RBFOX1: variants seen among roughly 807,000 people sequenced by gnomAD.
RBFOX1 encodes the protein RNA binding fox-1 homolog 1.
A neutral mutation model predicts 57.7 loss-of-function variants in RBFOX1; 8 were observed. That is an observed-to-expected ratio of 0.14 (90% CI 0.08 to 0.25). The LOEUF (loss-of-function observed/expected upper bound fraction) is 0.25, where lower values mean the gene tolerates loss of function less well. RBFOX1 is among the 10% of genes least tolerant of loss of function. RBFOX1 has a pLI of 1.00. For synonymous variants in RBFOX1, 326 were observed against 222.4 expected, an observed-to-expected ratio of 1.47 and a Z score of -4.15; for missense variants, 611 against 548.5, an observed-to-expected ratio of 1.11 and a Z score of -1.14.
At chr16:6,263,857 T>C (rs991984726) in intron 1 of RBFOX1, among the ~76,000 whole-genome samples, 5 of 152,186 alleles carry the variant, frequency 3.3e-5, no homozygotes, top group Non-Finnish European at 5.9e-5. Context: ...AAGGAGAAAG[T>C]TGGAACCAAA....
chr16:6,669,061 G>A (rs942811737), intron 3 of RBFOX1, among the ~76,000 whole-genome samples: 3 of 152,176 alleles, frequency 2.0e-5, no homozygotes, highest in Non-Finnish European at 4.4e-5. Context: ...ACTTTAGATA[G>A]AAAGCATGCC....
chr16:5,839,290 C>T (rs2056552632), intron 3 of RBFOX1, among the ~76,000 whole-genome samples: 1 of 152,172 alleles, frequency 6.6e-6, no homozygotes, highest in Non-Finnish European at 1.5e-5. Context: ...CACAGCAAAT[C>T]AGAACCAGAA....
intron 4 of RBFOX1, among the ~76,000 whole-genome samples, chr16:7,147,850 G>T (rs2075332989): frequency 6.6e-6 from 1 of 152,126 alleles, no homozygotes; most frequent in East Asian, 1.9e-4. Flanking sequence ...TGGGATTGCT[G>T]GGTTGAATGG....
chr16:5,883,749 C>T (rs934543565), intron 4 of RBFOX1, among the ~76,000 whole-genome samples: 1 of 152,182 alleles, frequency 6.6e-6, no homozygotes, highest in South Asian at 2.1e-4. Flanking sequence ...AAAAAAATCA[C>T]TCTGATTAGC....
intron 1 of RBFOX1, among the ~76,000 whole-genome samples, chr16:6,263,508 C>T (rs1374049804): frequency 2.0e-5 from 3 of 152,010 alleles, no homozygotes; most frequent in Non-Finnish European, 4.4e-5. Flanking sequence ...ATTTATGAAA[C>T]CATTTCTCTG....
At chr16:5,944,967 A>AG (rs2059368402) in intron 4 of RBFOX1, among the ~76,000 whole-genome samples, 2 of 122,488 alleles carry the variant, frequency 1.6e-5, no homozygotes, top group Admixed American at 8.9e-5. Flanking sequence ...TCTGTCATAA[A>AG]AAAAAAAAAA....
At chr16:6,986,227 G>T (rs1204290969) in intron 3 of RBFOX1, among the ~76,000 whole-genome samples, 4 of 117,464 alleles carry the variant, frequency 3.4e-5, no homozygotes, top group East Asian at 3.1e-4. Context: ...CTGAGACAGA[G>T]TCTTGGTCTG....
intron 4 of RBFOX1, among the ~76,000 whole-genome samples, chr16:7,233,495 A>G (rs1448662125): frequency 6.6e-6 from 1 of 152,216 alleles, no homozygotes; most frequent in Non-Finnish European, 1.5e-5. Context: ...GCCGTCGATC[A>G]GCACTTGTTA....
intron 1 of RBFOX1, among the ~76,000 whole-genome samples, chr16:5,280,330 G>A (rs934842974): frequency 6.6e-6 from 1 of 152,100 alleles, no homozygotes; most frequent in African/African-American, 2.4e-5. Context: ...CATTAGATTC[G>A]GTTTAGTAGT....
chr16:7,088,746 T>A (rs561703465), intron 4 of RBFOX1, among the ~76,000 whole-genome samples: 1 of 152,344 alleles, frequency 6.6e-6, no homozygotes, highest in East Asian at 1.9e-4. Context: ...GAATTTCTTA[T>A]GCCAGTAACC....
At chr16:6,920,228 T>C (rs938920947) in intron 3 of RBFOX1, among the ~76,000 whole-genome samples, 1 of 147,606 alleles carries the variant, frequency 6.8e-6, no homozygotes, top group Non-Finnish European at 1.5e-5. Flanking sequence ...CAAATTGTGC[T>C]GCTATAAACA....
At chr16:5,490,974 AT>A (rs112127358) in intron 2 of RBFOX1, among the ~76,000 whole-genome samples, 4,397 of 152,116 alleles carry the variant, frequency 0.029, 214 homozygotes, top group African/African-American at 0.1. Flanking sequence ...TTATTTATAT[AT>A]TTTTTTCCAT....
chr16:7,300,142 T>A (rs1342556726), intron 4 of RBFOX1, among the ~76,000 whole-genome samples: 14 of 152,206 alleles, frequency 9.2e-5, no homozygotes, highest in Non-Finnish European at 1.8e-4. Flanking sequence ...TCTTGCCTGC[T>A]ATGCTTCCCA....
At chr16:7,032,452 C>G (rs1440527850) in intron 3 of RBFOX1, among the ~76,000 whole-genome samples, 2 of 151,476 alleles carry the variant, frequency 1.3e-5, no homozygotes, top group African/African-American at 2.4e-5. Context: ...AAAAAACAAA[C>G]AAATAAATAA....
intron 11 of RBFOX1, among the ~76,000 whole-genome samples, chr16:7,639,892 A>G (rs534032196): frequency 2.0e-5 from 3 of 152,240 alleles, no homozygotes; most frequent in South Asian, 4.2e-4. Context: ...TTTATGAACA[A>G]TAGTTGCCCA....
intron 1 of RBFOX1, among the ~76,000 whole-genome samples, chr16:6,229,213 C>G (rs2097439778): frequency 6.6e-6 from 1 of 152,052 alleles, no homozygotes; most frequent in South Asian, 2.1e-4. Flanking sequence ...GTAAAGCTCA[C>G]AGGATTGCTT....
At chr16:7,130,921 T>A (rs1370255758) in intron 4 of RBFOX1, among the ~76,000 whole-genome samples, 1 of 152,198 alleles carries the variant, frequency 6.6e-6, no homozygotes, top group Non-Finnish European at 1.5e-5. Flanking sequence ...GCCTTCAGTT[T>A]TATCATCAGT....
At chr16:6,270,050 C>T (rs1272244809) in intron 1 of RBFOX1, among the ~76,000 whole-genome samples, 3 of 151,818 alleles carry the variant, frequency 2.0e-5, no homozygotes, top group Non-Finnish European at 4.4e-5. Flanking sequence ...TATTGCACTA[C>T]CTAGATAACT....
chr16:6,724,930 G>C (rs993915751), intron 3 of RBFOX1, among the ~76,000 whole-genome samples: 6 of 151,524 alleles, frequency 4.0e-5, no homozygotes, highest in African/African-American at 1.5e-4. Flanking sequence ...TTTGTAAACT[G>C]TCATGGCAGT....
Sources: gnomAD v4.1 joint callset for allele counts (sites outside exome capture counted in the v4.1 genomes callset) on GRCh38, gnomAD v4.1.1 for gene constraint, MANE v1.5 for transcripts, NCBI Gene and HGNC (gene_info 2026-07-23, HGNC 2026-07-21) for gene names.